Variants in HS6ST3 observed in about 807,000 individuals in gnomAD.
HS6ST3 encodes heparan-sulfate 6-O-sulfotransferase 3.
HS6ST3 carries 12 observed loss-of-function variants against 36.7 expected under a neutral mutation model. The ratio of observed to expected loss-of-function variants is 0.33; its 90% CI spans 0.21 to 0.53. The LOEUF is 0.53. HS6ST3 is among the 20% of genes least tolerant of loss of function. The pLI is 0.95. For missense variants in HS6ST3, 584 were observed against 640.9 expected (o/e 0.91, Z 0.96); for synonymous variants, 240 against 257.5 (o/e 0.93, Z 0.65).
chr13:96,706,051 G>A (rs1875415068), intron 1 of HS6ST3, among the ~76,000 whole-genome samples: 1 of 152,036 alleles, frequency 6.6e-6, no homozygotes, highest in Non-Finnish European at 1.5e-5. Flanking sequence ...TAATCCATTG[G>A]TTTCTTTCCT....
intron 1 of HS6ST3, among the ~76,000 whole-genome samples, chr13:96,810,972 T>C (rs1452715863): frequency 6.6e-6 from 1 of 152,070 alleles, no homozygotes; most frequent in African/African-American, 2.4e-5. Context: ...ATACTAACAA[T>C]AGAGACCATC....
chr13:96,148,568 G>A (rs1004473847), intron 1 of HS6ST3, among the ~76,000 whole-genome samples: 3 of 152,122 alleles, frequency 2.0e-5, no homozygotes, highest in African/African-American at 7.2e-5. Flanking sequence ...AAAGATTGAT[G>A]TTTACACAAA....
chr13:96,832,039 A>G (rs1878809332), intron 1 of HS6ST3, among the ~76,000 whole-genome samples: 1 of 151,034 alleles, frequency 6.6e-6, no homozygotes, highest in Non-Finnish European at 1.5e-5. Flanking sequence ...GTCCTTGGAT[A>G]AATCACTTCA....
intron 1 of HS6ST3, among the ~76,000 whole-genome samples, chr13:96,827,374 T>C (rs916754001): frequency 3.9e-5 from 6 of 152,196 alleles, no homozygotes; most frequent in African/African-American, 1.4e-4. Context: ...AAAGAAGTGA[T>C]ACTGTCTATG....
At chr13:96,363,542 A>C (rs1382472331) in intron 1 of HS6ST3, among the ~76,000 whole-genome samples, 1 of 152,210 alleles carries the variant, frequency 6.6e-6, no homozygotes, top group African/African-American at 2.4e-5. Flanking sequence ...TGCTAAATCC[A>C]AAGGCCTTTA....
At chr13:96,664,431 C>G (rs375061509) in intron 1 of HS6ST3, among the ~76,000 whole-genome samples, 1 of 152,124 alleles carries the variant, frequency 6.6e-6, no homozygotes, top group African/African-American at 2.4e-5. Flanking sequence ...CTGTGCCATG[C>G]AGCAGAAAAT....
chr13:96,755,485 T>G (rs1388650236), intron 1 of HS6ST3, among the ~76,000 whole-genome samples: 2 of 152,036 alleles, frequency 1.3e-5, no homozygotes, highest in Non-Finnish European at 2.9e-5. Context: ...CTGCCTCAGC[T>G]TCCCGAGCAG....
Position 96,690,803 on chromosome 13 carries a change from TA to T in HS6ST3, c.708-141686del, listed in dbSNP as rs529922406. 3.2e-3 allele frequency among the ~76,000 whole-genome samples: 441 copies of T among 139,118 alleles called. 2 individuals carry two copies. Among genetic ancestry groups the T allele is most frequent in the African/African-American group, 0.011 (425 of 37,316 alleles). The allele number at this position is 139,118 out of a possible 152,430, so 91.3% of individuals were successfully genotyped here. ...TCAATTGTGAAATGAACACATGTAGTAGATATAAGGAAATAATCTGAATATG... is the reference window on the plus strand; with the variant it reads ...TCAATTGTGAAATGAACACATGTAGTGATATAAGGAAATAATCTGAATATG... On this transcript the variant is annotated intron_variant, in intron 1 of 1. Transcript: ENST00000376705.
At chr13:96,118,758 C>T (rs1172912146) in intron 1 of HS6ST3, among the ~76,000 whole-genome samples, 2 of 116,296 alleles carry the variant, frequency 1.7e-5, no homozygotes, top group African/African-American at 6.5e-5. Context: ...GGCCGGACTG[C>T]GGACTGCAGT....
At chr13:96,749,440 T>C (rs1876645590) in intron 1 of HS6ST3, among the ~76,000 whole-genome samples, 1 of 152,166 alleles carries the variant, frequency 6.6e-6, no homozygotes, top group South Asian at 2.1e-4. Context: ...TTAATTTTGC[T>C]AATATTTTAT....
At chr13:96,502,580 A>G (rs1395281127) in intron 1 of HS6ST3, among the ~76,000 whole-genome samples, 1 of 152,154 alleles carries the variant, frequency 6.6e-6, no homozygotes, top group Non-Finnish European at 1.5e-5. Flanking sequence ...CTTAGATGCT[A>G]TAATCATGGC....
At chr13:96,666,583 T>C (rs1025422832) in intron 1 of HS6ST3, among the ~76,000 whole-genome samples, 2 of 152,148 alleles carry the variant, frequency 1.3e-5, no homozygotes, top group African/African-American at 4.8e-5. Flanking sequence ...CTCTTTACAA[T>C]TGCTCTCACT....
At chr13:96,437,595 TG>T (rs1160277903) in intron 1 of HS6ST3, among the ~76,000 whole-genome samples, 2 of 152,204 alleles carry the variant, frequency 1.3e-5, no homozygotes, top group African/African-American at 4.8e-5. Context: ...CATGATGATA[TG>T]GGGTAAAAAC....
chr13:96,838,308 T>C lies in HS6ST3; in HGVS notation c.*5110T>C, dbSNP rs961714574. ...ATTTTAGCTATTTAAAAGAAATGAATGAAGAGGATCTTGAGACAGGACCAG... is the reference window on the plus strand; with the variant it reads ...ATTTTAGCTATTTAAAAGAAATGAACGAAGAGGATCTTGAGACAGGACCAG... On this transcript the variant is annotated 3_prime_UTR_variant, in exon 2 of 2. Transcript: ENST00000376705. 8 of 152,132 alleles carry C rather than the reference T, an allele frequency of 5.3e-5. No homozygotes were observed. Among genetic ancestry groups the C allele is most frequent in the African/African-American group, 1.7e-4 (7 of 41,462 alleles). The allele number at this position is 152,132 out of a possible 1,614,324, so 9.4% of individuals were successfully genotyped here. A position where few individuals can be genotyped will look rare whatever the true frequency, so the allele number is the denominator to read the frequency against.
At chr13:96,467,183 A>G (rs1379761806) in intron 1 of HS6ST3, among the ~76,000 whole-genome samples, 1 of 151,910 alleles carries the variant, frequency 6.6e-6, no homozygotes, top group Non-Finnish European at 1.5e-5. Context: ...TTTTTTTCCT[A>G]GAAGTTTCAA....
At chr13:96,377,002 A>T (rs1477006191) in intron 1 of HS6ST3, among the ~76,000 whole-genome samples, 1 of 149,676 alleles carries the variant, frequency 6.7e-6, no homozygotes, top group Non-Finnish European at 1.5e-5. Flanking sequence ...GTTTTTATTG[A>T]TTTATTGATT....
chr13:96,604,478 A>G (rs781608666), intron 1 of HS6ST3, among the ~76,000 whole-genome samples: 20 of 152,116 alleles, frequency 1.3e-4, no homozygotes, highest in Admixed American at 2.0e-4. Flanking sequence ...TCTTTATTTT[A>G]TCAGATACAT....
intron 1 of HS6ST3, among the ~76,000 whole-genome samples, chr13:96,539,673 C>T (rs938936342): frequency 1.7e-4 from 26 of 152,196 alleles, no homozygotes; most frequent in African/African-American, 6.3e-4. Context: ...GTTTATTTTT[C>T]AGTAGTTCTT....
At chr13:96,225,939 G>A (rs1167534343) in intron 1 of HS6ST3, among the ~76,000 whole-genome samples, 1 of 152,110 alleles carries the variant, frequency 6.6e-6, no homozygotes, top group East Asian at 1.9e-4. Context: ...GTAGTATTAG[G>A]AAATTTGGTT....
Sources: allele counts gnomAD v4.1 joint callset (sites outside exome capture counted in the v4.1 genomes callset), GRCh38; gene constraint gnomAD v4.1.1; transcripts MANE v1.5; gene names NCBI Gene and HGNC (gene_info 2026-07-23, HGNC 2026-07-21).